The following VEGFD variants were observed in gnomAD, a reference collection of about 807,000 sequenced individuals.
VEGFD encodes vascular endothelial growth factor D, also known as c-fos induced growth factor (vascular endothelial growth factor D).
In VEGFD, 26 loss-of-function variants were observed where a neutral mutation model predicts 28.0. That is an observed-to-expected ratio of 0.93 (90% CI 0.68 to 1.29). The LOEUF is 1.29. Ranked by LOEUF, VEGFD falls within the 50% of genes most tolerant of loss-of-function variation. VEGFD has a pLI of 0.00. For synonymous variants in VEGFD, 93 were observed against 95.5 expected (o/e 0.97, Z 0.15); for missense variants, 294 against 273.4 (o/e 1.08, Z -0.53).
intron 2 of VEGFD, among the ~76,000 whole-genome samples, chrX:15,360,839 T>C (rs1462222269): frequency 8.9e-6 from 1 of 112,482 alleles, no homozygotes; most frequent in Non-Finnish European, 1.9e-5. Context: ...AAGGTTGCTT[T>C]CCATTTGCTT....
Position 15,346,091 on chromosome X carries a change from T to C in VEGFD, c.*42A>G, listed in dbSNP as rs755323159. 8.4e-7 allele frequency: 1 copy of C among 1,190,958 alleles called. No homozygotes were observed. The highest frequency in any genetic ancestry group is 1.9e-5 in the South Asian group (1 of 53,710). ...GTGACAGCAACTTGGCAAAGCAGCATGCTGTTAAAAATGACAGGGATGGGG... is the reference window on the plus strand; with the variant it reads ...GTGACAGCAACTTGGCAAAGCAGCACGCTGTTAAAAATGACAGGGATGGGG... On this transcript the variant is annotated 3_prime_UTR_variant, in exon 7 of 7. Transcript: ENST00000297904.
intron 1 of VEGFD, among the ~76,000 whole-genome samples, chrX:15,379,771 G>T (rs145384831): frequency 0.017 from 1,857 of 111,873 alleles, 35 homozygotes; most frequent in African/African-American, 0.058. Context: ...GGGAGTCCCA[G>T]ATCTTATTAC....
chrX:15,378,719 C>G (rs1392344928), intron 1 of VEGFD, among the ~76,000 whole-genome samples: 1 of 111,691 alleles, frequency 9.0e-6, no homozygotes, highest in Non-Finnish European at 1.9e-5. Flanking sequence ...ACCCATGGGC[C>G]AAATCTAACC....
intron 1 of VEGFD, among the ~76,000 whole-genome samples, chrX:15,363,759 A>G (rs1194802165): frequency 8.9e-6 from 1 of 112,319 alleles, no homozygotes; most frequent in Non-Finnish European, 1.9e-5. Flanking sequence ...AAGAGACAGA[A>G]GAGAAGACAG....
chrX:15,354,587 G>A (rs1307848073), intron 4 of VEGFD, among the ~76,000 whole-genome samples: 1 of 110,069 alleles, frequency 9.1e-6, no homozygotes, highest in African/African-American at 3.3e-5. Context: ...TTTGTCGTTT[G>A]TCTTATAAAT....
At chrX:15,368,057 G>GA (rs1923210172) in intron 1 of VEGFD, among the ~76,000 whole-genome samples, 1 of 88,669 alleles carries the variant, frequency 1.1e-5, no homozygotes, top group African/African-American at 4.3e-5. Context: ...AAAGAAGAAA[G>GA]AAAGGAAAGA....
intron 3 of VEGFD, 83 bp from the exon 4 acceptor site, chrX:15,355,381 T>TCAACC: frequency 1.2e-6 from 1 of 859,795 alleles, no homozygotes; most frequent in Non-Finnish European, 1.5e-6. Flanking sequence ...AATTTTTGCC[T>TCAACC]TTGTCATTTA....
rs752375557 is a variant in VEGFD at position 15,355,329 on chromosome X, T to A, written c.493-31A>T. The A allele has an allele frequency of 1.3e-5, 14 of 1,092,459 alleles. No homozygotes were observed. The East Asian group carries it at 3.1e-4, about 24-fold the overall frequency. The allele number at this position is 1,092,459 out of a possible 1,213,427, so 90.0% of individuals were successfully genotyped here. A position where few individuals can be genotyped will look rare whatever the true frequency, so the allele number is the denominator to read the frequency against. The stretch of plus-strand genomic sequence containing the variant: ...GCAGAGAAAGATAACCACAATATAT[T>A]TTTTTAATTTTATATATCATTTTTA... On this transcript the variant is annotated intron_variant, in intron 3 of 6. Transcript: ENST00000297904.
At chrX:15,364,148 C>A (rs1052024336) in intron 1 of VEGFD, among the ~76,000 whole-genome samples, 2 of 112,065 alleles carry the variant, frequency 1.8e-5, no homozygotes, top group East Asian at 5.6e-4. Flanking sequence ...AAAAAGATAT[C>A]AAGCCCCTGA....
chrX:15,353,424 A>G (rs762895276), intron 4 of VEGFD, among the ~76,000 whole-genome samples: 2 of 112,684 alleles, frequency 1.8e-5, no homozygotes, highest in African/African-American at 3.2e-5. Flanking sequence ...CAAAATGATA[A>G]GGATGTGAGA....
chrX:15,347,463 C>A lies in VEGFD; in HGVS notation c.743-104G>T, dbSNP rs1485235302. The A allele has an allele frequency of 6.6e-6, 4 of 607,842 alleles. No individual in the cohort carries two copies. In the Admixed American group the frequency reaches 1.4e-4, roughly 22 times the overall value. 50.1% of individuals were successfully genotyped at this position (607,842 alleles called of 1,213,427 possible). The stretch of plus-strand genomic sequence containing the variant: ...GTCATCCGTAAGTAACTTGGATTCA[C>A]CCAATCTCCTTCCTATAGATTTATG... On this transcript the variant is annotated intron_variant, in intron 5 of 6. Transcript: ENST00000297904.
At chrX:15,373,474 TTTTC>T (rs1157809420) in intron 1 of VEGFD, among the ~76,000 whole-genome samples, 2 of 112,322 alleles carry the variant, frequency 1.8e-5, no homozygotes, top group East Asian at 2.8e-4. Flanking sequence ...GTTGGTGCTA[TTTTC>T]TTTGTCAAAT....
intron 1 of VEGFD, among the ~76,000 whole-genome samples, chrX:15,366,288 G>A (rs1051753216): frequency 2.7e-5 from 3 of 112,089 alleles, no homozygotes; most frequent in South Asian, 3.7e-4. Context: ...GGGATTACAG[G>A]CGTGAGCCAC....
chrX:15,370,423 A>T, intron 1 of VEGFD, among the ~76,000 whole-genome samples: 1 of 112,219 alleles, frequency 8.9e-6, no homozygotes, highest in Admixed American at 9.5e-5. Flanking sequence ...TTCCAGGTCC[A>T]AAATAAATGC....
intron 2 of VEGFD, 34 bp downstream of exon 2, chrX:15,363,075 G>A: frequency 8.6e-7 from 1 of 1,168,240 alleles, no homozygotes. Flanking sequence ...ATCTAATAAA[G>A]AGAAAGAATT....
rs909262875 is a variant in VEGFD, at chrX:15,354,173, G to A, written c.641+977C>T. On this transcript the variant is annotated intron_variant, in intron 4 of 6. Transcript: ENST00000297904. The stretch of plus-strand genomic sequence containing the variant: ...TTTTTAGTAGAGACGGAGTTGCACC[G>A]TGTTAGCCAGGATGGTCTCAATCTC... Among the ~76,000 whole-genome samples the A allele has an allele frequency of 1.5e-4, 16 of 109,066 alleles. No homozygotes were observed. In the Admixed American group the frequency reaches 1.6e-3, roughly 11 times the overall value. 94.7% of individuals were successfully genotyped at this position (109,066 alleles called of 115,157 possible). A position where few individuals can be genotyped will look rare whatever the true frequency, so the allele number is the denominator to read the frequency against.
intron 3 of VEGFD, among the ~76,000 whole-genome samples, chrX:15,355,693 T>C (rs1000583608): frequency 5.3e-5 from 6 of 112,801 alleles, no homozygotes; most frequent in Admixed American, 3.7e-4. Context: ...CTTGACTTTT[T>C]ATTTGGCCAT....
At chrX:15,350,297 A>C (rs1269059884) in intron 5 of VEGFD, among the ~76,000 whole-genome samples, 1 of 111,283 alleles carries the variant, frequency 9.0e-6, no homozygotes, top group African/African-American at 3.3e-5. Context: ...CTGAGTGCTC[A>C]TATACCCGCT....
At chrX:15,378,549 C>T (rs1476354926) in intron 1 of VEGFD, among the ~76,000 whole-genome samples, 1 of 111,538 alleles carries the variant, frequency 9.0e-6, no homozygotes, top group Non-Finnish European at 1.9e-5. Flanking sequence ...GTAAACAAGA[C>T]AATTAAGAGC....
Sources: allele counts gnomAD v4.1 joint callset (sites outside exome capture counted in the v4.1 genomes callset), GRCh38; gene constraint gnomAD v4.1.1; transcripts MANE v1.5; gene names NCBI Gene and HGNC (gene_info 2026-07-23, HGNC 2026-07-21).